The following CIT variants were observed in gnomAD, a reference collection of about 807,000 sequenced individuals.
CIT encodes citron rho-interacting serine/threonine kinase.
Under a neutral mutation model 272.7 loss-of-function variants are expected in CIT, and 79 were observed. The observed-to-expected ratio is 0.29, with a 90% CI of 0.24 to 0.35. The LOEUF is 0.35. CIT is among the 10% of genes least tolerant of loss of function. The probability of loss-of-function intolerance (pLI) is 1.00; values close to 1 mark genes in which losing one functional copy is unlikely to be tolerated. For missense variants in CIT, 1,909 were observed against 2,618.3 expected, an observed-to-expected ratio of 0.73 and a Z score of 5.91; for synonymous variants, 948 against 995.6, an observed-to-expected ratio of 0.95 and a Z score of 0.90.
At chr12:119,834,516 C>T (rs951770917) in intron 5 of CIT, among the ~76,000 whole-genome samples, 1 of 152,226 alleles carries the variant, frequency 6.6e-6, no homozygotes, top group Non-Finnish European at 1.5e-5. Context: ...TTCCCACCCA[C>T]AAGTTGACAC....
In CIT at chr12:119,700,494, T is replaced by G. The variant is rs188876052; in HGVS notation, c.5623+251A>C. On this transcript the variant is annotated intron_variant, in intron 44 of 47. Coordinates refer to ENST00000392521, the MANE Select transcript of CIT (RefSeq NM_001206999.2). ...GCCTCCTGGGTTCAAGCAATTCTCCTGCCTCAGCTTCCTGAGTAGCTGGGA... is the reference window on the plus strand; with the variant it reads ...GCCTCCTGGGTTCAAGCAATTCTCCGGCCTCAGCTTCCTGAGTAGCTGGGA... 4.5e-3 allele frequency among the ~76,000 whole-genome samples: 684 copies of G among 152,296 alleles called. 6 individuals are homozygous for G. Among genetic ancestry groups the G allele is most frequent in the African/African-American group, 0.016 (656 of 41,572 alleles).
chr12:119,767,885 T>G (rs1226471076), intron 18 of CIT, among the ~76,000 whole-genome samples: 1 of 151,950 alleles, frequency 6.6e-6, no homozygotes, highest in Non-Finnish European at 1.5e-5. Context: ...TAATGTTCTC[T>G]TAATTCTTTT....
rs112443341 is a variant in CIT at position 119,735,091 on chromosome 12, G to A, written c.3156+69C>T. 51,571 of 1,459,142 alleles carry A rather than the reference G, an allele frequency of 0.035. 1,136 individuals carry two copies. Among genetic ancestry groups the A allele is most frequent in the African/African-American group, 0.096 (6,925 of 71,918 alleles). 90.4% of individuals were successfully genotyped at this position (1,459,142 alleles called of 1,614,324 possible). On this transcript the variant is annotated intron_variant, in intron 25 of 47. Transcript: ENST00000392521. ...TCAGTGTTGGAACCCTTGGGAGAAC[G>A]CACCAAGCACTCCTAAAATCCTTCT...
chr12:119,718,122 G>A lies in CIT; in HGVS notation c.4168+123C>T. On this transcript the variant is annotated intron_variant, in intron 32 of 47. Coordinates refer to ENST00000392521, the MANE Select transcript of CIT (RefSeq NM_001206999.2). The surrounding 1 kb of genome is among the most constrained non-coding windows in gnomAD (Gnocchi z 4.8). ...CCCAAAGTGCTGGGGTTACAGGTGTGAGCCACCGTGCCTGGCCAAGACTGA... is the reference window on the plus strand; with the variant it reads ...CCCAAAGTGCTGGGGTTACAGGTGTAAGCCACCGTGCCTGGCCAAGACTGA... 2 of 1,159,678 alleles carry A rather than the reference G, an allele frequency of 1.7e-6. No individual in the cohort carries two copies. The allele number at this position is 1,159,678 out of a possible 1,614,324, so 71.8% of individuals were successfully genotyped here. A position where few individuals can be genotyped will look rare whatever the true frequency, so the allele number is the denominator to read the frequency against.
intron 6 of CIT, 108 bp downstream of exon 6, chr12:119,833,978 G>A: frequency 8.6e-7 from 1 of 1,157,048 alleles, no homozygotes; most frequent in Non-Finnish European, 1.2e-6. Flanking sequence ...AAACTGGATG[G>A]GGCGTTATCT....
intron 20 of CIT, among the ~76,000 whole-genome samples, chr12:119,759,696 C>G (rs1366445107): frequency 6.6e-6 from 1 of 152,032 alleles, no homozygotes; most frequent in African/African-American, 2.4e-5. Context: ...GCCTGATAGT[C>G]TGAGGTGGTA....
chr12:119,690,244 C>A lies in CIT; in HGVS notation c.6093G>T (p.Arg2031=). The A allele has an allele frequency of 1.3e-6, 2 of 1,564,430 alleles. No homozygotes were observed. Among genetic ancestry groups the A allele is most frequent in the South Asian group, 1.2e-5 (1 of 86,122 alleles). The change falls in exon 47 of 48, where the codon CGG becomes CGT. Residue 2031 remains arginine, a synonymous_variant. Coordinates refer to ENST00000392521, the MANE Select transcript of CIT (RefSeq NM_001206999.2). The surrounding 1 kb of genome is among the most constrained non-coding windows in gnomAD (Gnocchi z 6.0). ...EKSPGRMLST[R]RERSPGRLFE... ...ACAGCCTCCCGGGGGACCGCTCTCT[C>A]CGCGTGCTGAGCATCCGGCCGGGGG...
chr12:119,860,492 A>C (rs1287818696), intron 3 of CIT, among the ~76,000 whole-genome samples: 1 of 152,138 alleles, frequency 6.6e-6, no homozygotes, highest in Non-Finnish European at 1.5e-5. Flanking sequence ...TTGAGTTTTG[A>C]ATTATAATTC....
intron 30 of CIT, among the ~76,000 whole-genome samples, chr12:119,719,530 T>A (rs1957722045): frequency 6.6e-6 from 1 of 152,124 alleles, no homozygotes; most frequent in Non-Finnish European, 1.5e-5. Context: ...ATAACAACCA[T>A]ATACAGTCAC....
chr12:119,807,679 A>G (rs1164644106), intron 9 of CIT, among the ~76,000 whole-genome samples: 1 of 152,172 alleles, frequency 6.6e-6, no homozygotes, highest in African/African-American at 2.4e-5. Flanking sequence ...ACAGGCCACA[A>G]ACAGGGTACT....
In CIT at chr12:119,770,513, T is replaced by C. The variant is rs1445811115; in HGVS notation, c.2208+272A>G. Among the ~76,000 whole-genome samples, 4 of 128,918 alleles carry C rather than the reference T, an allele frequency of 3.1e-5. No homozygotes were observed. The highest frequency in any genetic ancestry group is 9.3e-5 in the African/African-American group (3 of 32,092). The allele number at this position is 128,918 out of a possible 152,430, so 84.6% of individuals were successfully genotyped here. ...GCCTTTAAAAATGTATTGAAAATGATAGATGCACGTTCCACTAAAAAAAAA... is the reference window on the plus strand; with the variant it reads ...GCCTTTAAAAATGTATTGAAAATGACAGATGCACGTTCCACTAAAAAAAAA... On this transcript the variant is annotated intron_variant, in intron 18 of 47. Transcript: ENST00000392521. The surrounding 1 kb of genome is among the most constrained non-coding windows in gnomAD (Gnocchi z 4.4).
At chr12:119,795,247 C>T (rs529036402) in intron 10 of CIT, among the ~76,000 whole-genome samples, 1 of 152,072 alleles carries the variant, frequency 6.6e-6, no homozygotes, top group African/African-American at 2.4e-5. Context: ...ATTAGCTGGG[C>T]GTGGTGGCAG....
chr12:119,761,110 G>A, intron 19 of CIT, 55 bp from the exon 20 acceptor site: 1 of 1,220,260 alleles, frequency 8.2e-7, no homozygotes. Context: ...GAGGAGGGAA[G>A]ACTAAACGGG....
At chr12:119,875,328 G>T (rs1197323934) in intron 2 of CIT, among the ~76,000 whole-genome samples, 1 of 152,178 alleles carries the variant, frequency 6.6e-6, no homozygotes, top group East Asian at 1.9e-4. Flanking sequence ...ATCAATGAAT[G>T]AATAAACTTT....
At chr12:119,750,111 T>C (rs979748905) in intron 23 of CIT, among the ~76,000 whole-genome samples, 11 of 152,240 alleles carry the variant, frequency 7.2e-5, no homozygotes, top group African/African-American at 2.7e-4. Flanking sequence ...ATGGATTAAA[T>C]TGCTGATGTC....
intron 41 of CIT, among the ~76,000 whole-genome samples, chr12:119,704,017 C>T (rs1225779479): frequency 6.6e-6 from 1 of 152,118 alleles, no homozygotes; most frequent in Non-Finnish European, 1.5e-5. Context: ...CTACCTGGGA[C>T]TGCTAGGATC....
At position 119,783,920 on chromosome 12, in the gene CIT, G is replaced by A; in HGVS notation, c.1533C>T (p.Ile511=). ...AGGGAAGGCTCACACTGCATTCTGT[G>A]ATGTAGGTAGCAAGGTCCTGCTCCA... is the stretch of plus-strand genomic sequence containing the variant. ...SLLEQDLATY[I]TECSSLKRSL... Residue 511 remains isoleucine (I), a synonymous_variant, in exon 12 of 48, where the codon ATC becomes ATT. Coordinates refer to ENST00000392521, the MANE Select transcript of CIT (RefSeq NM_001206999.2). The A allele has an allele frequency of 6.3e-7, 1 of 1,596,896 alleles. No individual in the cohort carries two copies. Among genetic ancestry groups the A allele is most frequent in the East Asian group, 2.2e-5 (1 of 44,838 alleles).
intron 23 of CIT, among the ~76,000 whole-genome samples, chr12:119,749,382 G>T (rs1959904790): frequency 6.6e-6 from 1 of 152,208 alleles, no homozygotes; most frequent in African/African-American, 2.4e-5. Context: ...CAAACAATGA[G>T]AAAGTTGGAA....
chr12:119,711,906 C>T (rs1016686038), intron 37 of CIT, among the ~76,000 whole-genome samples: 2 of 152,184 alleles, frequency 1.3e-5, no homozygotes, highest in African/African-American at 4.8e-5. Context: ...ATCCTCCTGC[C>T]TTGGCCTCCT....
Sources: gnomAD v4.1 joint callset for allele counts (sites outside exome capture counted in the v4.1 genomes callset) on GRCh38, gnomAD v4.1.1 for gene constraint, Gnocchi (gnomAD v3.1) non-coding constraint, MANE v1.5 for transcripts, NCBI Gene and HGNC (gene_info 2026-07-23, HGNC 2026-07-21) for gene names.